The following GHR variants were observed in gnomAD, a reference collection of about 807,000 sequenced individuals.
GHR encodes growth hormone receptor, also known as GH receptor.
In GHR, 35 loss-of-function variants were observed where a neutral mutation model predicts 67.1. That is an observed-to-expected ratio of 0.52 (90% CI 0.40 to 0.69). GHR has a LOEUF of 0.69. Among genes scored for constraint, GHR ranks in the 30% least tolerant of loss-of-function variants. GHR has a pLI of 0.00. For synonymous variants in GHR, 272 were observed against 269.1 expected (o/e 1.01, Z -0.10); for missense variants, 792 against 764.6 (o/e 1.04, Z -0.42).
intron 1 of GHR, among the ~76,000 whole-genome samples, chr5:42,464,078 G>T (rs1744622598): frequency 7.3e-6 from 1 of 136,222 alleles, no homozygotes; most frequent in Non-Finnish European, 1.5e-5. Context: ...AAAGTGCTCA[G>T]AGTCACATAA....
intron 1 of GHR, among the ~76,000 whole-genome samples, chr5:42,486,707 C>T (rs1745895828): frequency 6.6e-6 from 1 of 151,990 alleles, no homozygotes; most frequent in Non-Finnish European, 1.5e-5. Flanking sequence ...ATTAACCGGG[C>T]GTCGTGGCGG....
intron 1 of GHR, among the ~76,000 whole-genome samples, chr5:42,534,166 A>G (rs1260349959): frequency 3.1e-5 from 3 of 96,364 alleles, no homozygotes; most frequent in Non-Finnish European, 6.8e-5. Flanking sequence ...ATATATGTAC[A>G]TATGTATATA....
intron 1 of GHR, among the ~76,000 whole-genome samples, chr5:42,426,572 C>T (rs1394583022): frequency 6.6e-6 from 1 of 152,076 alleles, no homozygotes; most frequent in African/African-American, 2.4e-5. Flanking sequence ...TTATGTGTGT[C>T]CATACAAGCC....
At chr5:42,681,349 A>G (rs1275227405) in intron 3 of GHR, among the ~76,000 whole-genome samples, 3 of 152,210 alleles carry the variant, frequency 2.0e-5, no homozygotes, top group African/African-American at 7.2e-5. Flanking sequence ...CAACAGACAC[A>G]TGAAAAAATG....
chr5:42,449,617 A>G (rs559597170), intron 1 of GHR, among the ~76,000 whole-genome samples: 1 of 152,226 alleles, frequency 6.6e-6, no homozygotes, highest in African/African-American at 2.4e-5. Context: ...TCTGATTTGG[A>G]TGCCTTTATT....
chr5:42,659,500 C>A (rs1323699215), intron 3 of GHR: 1 of 152,124 alleles, frequency 6.6e-6, no homozygotes, highest in African/African-American at 2.4e-5. Flanking sequence ...GAAGGTAGAC[C>A]AAAGGGAAAG....
intron 1 of GHR, among the ~76,000 whole-genome samples, chr5:42,544,582 T>G (rs1176368674): frequency 6.6e-6 from 1 of 152,188 alleles, no homozygotes; most frequent in Non-Finnish European, 1.5e-5. Context: ...TCCCAAGAGA[T>G]GTTTATTGTA....
chr5:42,554,473 CTTT>C (rs1045763333), intron 1 of GHR, among the ~76,000 whole-genome samples: 7 of 152,204 alleles, frequency 4.6e-5, no homozygotes, highest in Non-Finnish European at 1.0e-4. Flanking sequence ...CTTTCTACTA[CTTT>C]AAAAAATTAT....
chr5:42,647,574 C>CAAAAAAA, intron 3 of GHR: 4 of 325,038 alleles, frequency 1.2e-5, no homozygotes, highest in South Asian at 2.2e-5. Context: ...ACTGCGTCTC[C>CAAAAAAA]AAAAAAAAAA....
In GHR at chr5:42,591,554, G is replaced by A. The variant is rs116658537; in HGVS notation, c.70+25610G>A. 4.2e-3 allele frequency among the ~76,000 whole-genome samples: 646 copies of A among 152,222 alleles called. 7 individuals carry two copies. Among genetic ancestry groups the A allele is most frequent in the African/African-American group, 0.015 (622 of 41,518 alleles). On this transcript the variant is annotated intron_variant, in intron 2 of 9. Transcript: ENST00000230882. ...ATCAACGACTGTTCCACTAATCTGC[G>A]GATGAGTTATCTAGGGAATATCATG...
At chr5:42,492,213 T>C (rs1433976627) in intron 1 of GHR, among the ~76,000 whole-genome samples, 1 of 152,212 alleles carries the variant, frequency 6.6e-6, no homozygotes, top group Non-Finnish European at 1.5e-5. Context: ...CTTGTAATGA[T>C]CTGGCAAAAG....
At chr5:42,474,253 C>CAGAAAGAAAGAAAGAAAGAA (rs756789779) in intron 1 of GHR, among the ~76,000 whole-genome samples, 134 of 50,710 alleles carry the variant, frequency 2.6e-3, no homozygotes, top group Middle Eastern at 0.012. Context: ...GAGAGAAAGA[C>CAGAAAGAAAGAAAGAAAGAA]AGACAGAAAG....
At position 42,629,115 on chromosome 5, in the gene GHR, A is replaced by G. The variant is rs1753836865; in HGVS notation, c.136+12A>G. On this transcript the variant is annotated intron_variant, in intron 3 of 9. Coordinates refer to ENST00000230882, the MANE Select transcript of GHR (RefSeq NM_000163.5). ...AGGCCTAAAGACAAGTAAGAATTTC[A>G]GTCCTTTTTCTTCCTTCAATGATAT... 6 of 1,253,642 alleles carry G rather than the reference A, an allele frequency of 4.8e-6. 3 individuals are homozygous for G. In the East Asian group the frequency reaches 1.4e-4, roughly 29 times the overall value. 77.7% of individuals were successfully genotyped at this position (1,253,642 alleles called of 1,614,324 possible).
At chr5:42,582,856 G>T (rs1751260064) in intron 2 of GHR, among the ~76,000 whole-genome samples, 1 of 152,222 alleles carries the variant, frequency 6.6e-6, no homozygotes, top group African/African-American at 2.4e-5. Flanking sequence ...TGGTGCCTGT[G>T]CTGGTGCCTG....
chr5:42,553,990 C>G (rs1187543925), intron 1 of GHR, among the ~76,000 whole-genome samples: 9 of 152,052 alleles, frequency 5.9e-5, no homozygotes, highest in Non-Finnish European at 1.0e-4. Context: ...TCTTCTTCTG[C>G]TCAGGTGGGG....
chr5:42,494,749 A>G lies in GHR; in HGVS notation c.-12+70794A>G, dbSNP rs546500218. ...TGATGACATCCTTACCCAGAATTTAAAAGTTCAGTAGAGACTCTTCTTGAA... is the reference window on the plus strand; with the variant it reads ...TGATGACATCCTTACCCAGAATTTAGAAGTTCAGTAGAGACTCTTCTTGAA... On this transcript the variant is annotated intron_variant, in intron 1 of 9. Transcript: ENST00000230882. Among the ~76,000 whole-genome samples the G allele has an allele frequency of 3.3e-5, 5 of 152,256 alleles. No homozygotes were observed. The South Asian group carries it at 1.0e-3, about 32-fold the overall frequency.
chr5:42,705,488 G>T (rs1652634386), intron 6 of GHR, among the ~76,000 whole-genome samples: 1 of 152,006 alleles, frequency 6.6e-6, no homozygotes, highest in Admixed American at 6.6e-5. Flanking sequence ...TTACCATACA[G>T]ATTATTTCAT....
chr5:42,437,650 C>T (rs1220219541), intron 1 of GHR, among the ~76,000 whole-genome samples: 4 of 151,744 alleles, frequency 2.6e-5, no homozygotes, highest in Non-Finnish European at 4.4e-5. Flanking sequence ...CAGGTTCAAG[C>T]GATTCTCTTG....
intron 1 of GHR, among the ~76,000 whole-genome samples, chr5:42,470,196 T>TATATCTATAACATAATATATTATATA (rs1156986669): frequency 0.027 from 4,002 of 147,348 alleles, 76 homozygotes; most frequent in Non-Finnish European, 0.04. Context: ...ACTATTATAT[T>TATATCTATAACATAATATATTATATA]ATATCTATAA....
Sources: gnomAD v4.1 joint callset for allele counts (sites outside exome capture counted in the v4.1 genomes callset) on GRCh38, gnomAD v4.1.1 for gene constraint, MANE v1.5 for transcripts, NCBI Gene and HGNC (gene_info 2026-07-23, HGNC 2026-07-21) for gene names.